Variants in C8orf89 observed in about 807,000 individuals in gnomAD.
C8orf89 encodes the protein putative uncharacterized protein C8orf89.
C8orf89 carries 14 observed loss-of-function variants against 15.8 expected under a neutral mutation model. The ratio of observed to expected loss-of-function variants is 0.89; its 90% confidence interval spans 0.59 to 1.39. The LOEUF (loss-of-function observed/expected upper bound fraction) is 1.39, where lower values mean the gene tolerates loss of function less well. Ranked by LOEUF, C8orf89 falls within the 40% of genes most tolerant of loss-of-function variation. C8orf89 has a pLI of 0.00. For missense variants in C8orf89, 181 were observed against 184.5 expected (o/e 0.98, Z 0.11); for synonymous variants, 55 against 62.2 (o/e 0.88, Z 0.54).
upstream of C8orf89, among the ~76,000 whole-genome samples, chr8:73,260,786 C>A (rs1813511076): frequency 6.6e-6 from 1 of 152,122 alleles, no homozygotes; most frequent in African/African-American, 2.4e-5. Context: ...TTGAAGGACG[C>A]AAAGTACTTT....
At chr8:73,280,052 A>C in the C8orf89 span, among the ~76,000 whole-genome samples, 1 of 152,228 alleles carries the variant, frequency 6.6e-6, no homozygotes, top group Non-Finnish European at 1.5e-5. Flanking sequence ...CCATGAGCAC[A>C]ATAAATGGTT....
chr8:73,259,791 A>G (rs1813489287), upstream of C8orf89, among the ~76,000 whole-genome samples: 1 of 152,234 alleles, frequency 6.6e-6, no homozygotes, highest in Admixed American at 6.5e-5. Context: ...TGTTTTCTAG[A>G]TAATCATCAC....
At chr8:73,269,177 G>A in the C8orf89 span, among the ~76,000 whole-genome samples, 1 of 152,144 alleles carries the variant, frequency 6.6e-6, no homozygotes, top group Non-Finnish European at 1.5e-5. Flanking sequence ...ACACTGGCTA[G>A]GGCAAAATCT....
chr8:73,275,885 C>T, the C8orf89 span, among the ~76,000 whole-genome samples: 1 of 152,062 alleles, frequency 6.6e-6, no homozygotes, highest in African/African-American at 2.4e-5. Context: ...CTCTTTCCTA[C>T]TCTAAGACAA....
chr8:73,282,961 G>A, the C8orf89 span, among the ~76,000 whole-genome samples: 1 of 152,310 alleles, frequency 6.6e-6, no homozygotes, highest in South Asian at 2.1e-4. Flanking sequence ...AGAAAAAAGT[G>A]AGTACAGGAT....
At chr8:73,251,536 A>T (rs1363497334) in intron 2 of C8orf89, among the ~76,000 whole-genome samples, 1 of 152,240 alleles carries the variant, frequency 6.6e-6, no homozygotes, top group Non-Finnish European at 1.5e-5. Context: ...TTTATATATG[A>T]AGAACACTTG....
intron 3 of C8orf89, among the ~76,000 whole-genome samples, chr8:73,245,322 C>T (rs1402675831): frequency 6.6e-6 from 1 of 152,120 alleles, no homozygotes; most frequent in Non-Finnish European, 1.5e-5. Flanking sequence ...AATAAACATA[C>T]AAATATTTGT....
At chr8:73,277,427 G>A in the C8orf89 span, 48 of 1,173,640 alleles carry the variant, frequency 4.1e-5, no homozygotes, top group East Asian at 1.1e-3. Flanking sequence ...AGACAAAGTA[G>A]GTTTACTTTG....
chr8:73,277,303 C>A, the C8orf89 span: 2 of 611,580 alleles, frequency 3.3e-6, no homozygotes, highest in East Asian at 2.6e-5. Context: ...AGCAACACAT[C>A]CAATGAACGC....
rs561124156 is a variant in C8orf89 at position 73,241,585 on chromosome 8, G to A, written c.358C>T (p.Leu120Phe). The A allele has an allele frequency of 1.2e-4, 176 of 1,521,736 alleles. No homozygotes were observed. The South Asian group carries it at 1.4e-3, about 12-fold the overall frequency. The allele number at this position is 1,521,736 out of a possible 1,614,324, so 94.3% of individuals were successfully genotyped here. A position where few individuals can be genotyped will look rare whatever the true frequency, so the allele number is the denominator to read the frequency against. Residue 120 changes from leucine to phenylalanine, a missense_variant, in exon 4 of 4, where the codon CTC (leucine) becomes TTC (phenylalanine). Leu to Phe is a conservative substitution (Grantham distance 22). Coordinates refer to ENST00000624510, the MANE Select transcript of C8orf89 (RefSeq NM_001243237.3). ...AAGTATTGAGATGGTGCTCCAGTGA[G>A]AGGATCACTGAAGCCAGAACCTGGA... The part of the protein sequence containing the change: ...KSKGSGFSDP[L>F]TGAPSQYLER...
chr8:73,259,302 T>C, intron 1 of C8orf89, 30 bp downstream of exon 1: 2 of 1,401,352 alleles, frequency 1.4e-6, no homozygotes, highest in Non-Finnish European at 1.9e-6. Context: ...TTCTATGTTT[T>C]CTTAAGGAAA....
At chr8:73,280,099 A>C in the C8orf89 span, among the ~76,000 whole-genome samples, 1 of 152,212 alleles carries the variant, frequency 6.6e-6, no homozygotes, top group Non-Finnish European at 1.5e-5. Flanking sequence ...ATTTGTTATG[A>C]AGCCATAGTA....
chr8:73,273,587 T>C, the C8orf89 span, among the ~76,000 whole-genome samples: 1 of 152,198 alleles, frequency 6.6e-6, no homozygotes, highest in African/African-American at 2.4e-5. Context: ...CTGGGCGCCA[T>C]GGGCACCATG....
the C8orf89 span, among the ~76,000 whole-genome samples, chr8:73,282,228 C>T: frequency 6.6e-6 from 1 of 152,306 alleles, no homozygotes; most frequent in African/African-American, 2.4e-5. Flanking sequence ...AAGAGAGATT[C>T]TGCCTGCACA....
intron 2 of C8orf89, among the ~76,000 whole-genome samples, chr8:73,255,560 A>G (rs1448009443): frequency 6.6e-6 from 1 of 151,856 alleles, no homozygotes; most frequent in African/African-American, 2.4e-5. Flanking sequence ...GCGATTCCTC[A>G]GGGATCTAGA....
chr8:73,248,314 C>A (rs1300588232), intron 3 of C8orf89, among the ~76,000 whole-genome samples: 2 of 152,242 alleles, frequency 1.3e-5, no homozygotes, highest in East Asian at 3.9e-4. Context: ...TGTTTTTGTA[C>A]CAGTACCATG....
chr8:73,249,689 C>A (rs1447038391), intron 3 of C8orf89, among the ~76,000 whole-genome samples: 1 of 152,078 alleles, frequency 6.6e-6, no homozygotes, highest in Non-Finnish European at 1.5e-5. Context: ...ACCTTAGTAC[C>A]ATAAACCCTT....
the C8orf89 span, among the ~76,000 whole-genome samples, chr8:73,275,600 T>A: frequency 6.6e-6 from 1 of 152,226 alleles, no homozygotes; most frequent in Non-Finnish European, 1.5e-5. Context: ...TAATTTTTAC[T>A]TCCCTAAAAG....
intron 3 of C8orf89, among the ~76,000 whole-genome samples, chr8:73,242,516 C>T (rs1813028683): frequency 6.6e-6 from 1 of 152,088 alleles, no homozygotes; most frequent in Non-Finnish European, 1.5e-5. Context: ...ATAGACATTT[C>T]TGAAAAGAAG....
Sources: gnomAD v4.1 joint callset for allele counts (sites outside exome capture counted in the v4.1 genomes callset) on GRCh38, gnomAD v4.1.1 for gene constraint, MANE v1.5 for transcripts, NCBI Gene and HGNC (gene_info 2026-07-23, HGNC 2026-07-21) for gene names.